KIAA1958: variants seen among roughly 807,000 people sequenced by gnomAD.
The protein encoded by KIAA1958 is uncharacterized protein KIAA1958.
Under a neutral mutation model 47.2 loss-of-function variants are expected in KIAA1958, and 14 were observed. The ratio of observed to expected loss-of-function variants is 0.30; its 90% CI spans 0.20 to 0.46. KIAA1958 has a LOEUF of 0.46. KIAA1958 is among the 20% of genes least tolerant of loss of function. KIAA1958 has a pLI of 1.00. For synonymous variants in KIAA1958, 354 were observed against 353.3 expected (o/e 1.00, Z -0.02); for missense variants, 803 against 909.2 (o/e 0.88, Z 1.50).
chr9:112,659,253 CTCATT>C lies in KIAA1958; in HGVS notation c.1345-8_1345-4del. The C allele has an allele frequency of 1.9e-6, 3 of 1,603,292 alleles. No individual in the cohort carries two copies. Among genetic ancestry groups the C allele is most frequent in the Non-Finnish European group, 2.6e-6 (3 of 1,173,880 alleles). On this transcript the variant is annotated splice_region_variant and splice_polypyrimidine_tract_variant and intron_variant, in intron 3 of 3. Transcript: ENST00000337530. ...TCAAGTGTGTAACCTCCGTGTTTGT[CTCATT>C]TGAGATCCCTGCAGTGAAGTTGAAC...
In KIAA1958 at chr9:112,541,668, A is replaced by T. The variant is rs191294150; in HGVS notation, c.-24-32389A>T. ...AAAATACAAGAAAAAATAGTTGGGCATGGTGGTGGGTGCCTGTAATCCCAG... is the reference window on the plus strand; with the variant it reads ...AAAATACAAGAAAAAATAGTTGGGCTTGGTGGTGGGTGCCTGTAATCCCAG... On this transcript the variant is annotated intron_variant, in intron 1 of 3. Coordinates refer to ENST00000337530, the MANE Select transcript of KIAA1958 (RefSeq NM_133465.4). 1.6e-4 allele frequency among the ~76,000 whole-genome samples: 24 copies of T among 152,188 alleles called. No individual in the cohort carries two copies. The East Asian group carries it at 4.6e-3, about 29-fold the overall frequency.
chr9:112,616,874 A>T (rs1588041587), intron 2 of KIAA1958, among the ~76,000 whole-genome samples: 1 of 152,246 alleles, frequency 6.6e-6, no homozygotes, highest in Non-Finnish European at 1.5e-5. Context: ...GGACACAAGC[A>T]CTAGAACTTT....
Position 112,662,481 on chromosome 9 carries a change from TTAAGCCTGG to T in KIAA1958, c.*2421_*2429del, listed in dbSNP as rs1837293878. The T allele has an allele frequency of 7.2e-6, 1 of 138,170 alleles. No homozygotes were observed. The highest frequency in any genetic ancestry group is 1.5e-5 in the Non-Finnish European group (1 of 65,108). 8.6% of individuals were successfully genotyped at this position (138,170 alleles called of 1,614,324 possible). ...ACACACACACACGCACAATATGTGG[TTAAGCCTGG>T]TAAGCCTGCTAAAATGGCAAAGCGG... On this transcript the variant is annotated 3_prime_UTR_variant, in exon 4 of 4. Coordinates refer to ENST00000337530, the MANE Select transcript of KIAA1958 (RefSeq NM_133465.4).
At position 112,486,992 on chromosome 9, in the gene KIAA1958, C is replaced by A. The variant is rs1310882149; in HGVS notation, c.-151C>A. ...CGCTCCACTTACCTTTGGTGCCCGG[C>A]CCTCTGGCCGCTCTCCTCCCGCCCT... is the stretch of plus-strand genomic sequence containing the variant. On this transcript the variant is annotated 5_prime_UTR_variant, in exon 1 of 4. Transcript: ENST00000337530. 5.5e-6 allele frequency: 1 copy of A among 181,108 alleles called. No individual in the cohort carries two copies. Among genetic ancestry groups the A allele is most frequent in the Non-Finnish European group, 1.2e-5 (1 of 86,686 alleles). 11.2% of individuals were successfully genotyped at this position (181,108 alleles called of 1,614,324 possible). A position where few individuals can be genotyped will look rare whatever the true frequency, so the allele number is the denominator to read the frequency against.
intron 1 of KIAA1958, among the ~76,000 whole-genome samples, chr9:112,515,299 G>T (rs1303408740): frequency 1.5e-5 from 2 of 131,384 alleles, no homozygotes; most frequent in African/African-American, 2.7e-5. Context: ...CGCCCCGTCC[G>T]GGAGGTGAGG....
At chr9:112,617,545 A>G (rs912750320) in intron 2 of KIAA1958, among the ~76,000 whole-genome samples, 1 of 152,170 alleles carries the variant, frequency 6.6e-6, no homozygotes, top group Non-Finnish European at 1.5e-5. Flanking sequence ...TAAATAGCAC[A>G]TTTCTGTCCC....
intron 1 of KIAA1958, among the ~76,000 whole-genome samples, chr9:112,567,815 G>A (rs571312958): frequency 6.6e-5 from 10 of 151,960 alleles, no homozygotes; most frequent in South Asian, 2.1e-4. Context: ...AAAGTTAGCC[G>A]GGCATGATGG....
At chr9:112,518,643 A>C (rs1834481632) in intron 1 of KIAA1958, among the ~76,000 whole-genome samples, 2 of 152,190 alleles carry the variant, frequency 1.3e-5, no homozygotes, top group South Asian at 4.1e-4. Context: ...CGTTTTTTCT[A>C]ATCATGGTGA....
intron 1 of KIAA1958, among the ~76,000 whole-genome samples, chr9:112,558,507 T>C (rs3983387): frequency 0.3 from 45,651 of 152,112 alleles, 7,141 homozygotes; most frequent in Middle Eastern, 0.41. Flanking sequence ...TCTACTTCTT[T>C]GAATATTTTC....
In KIAA1958 at chr9:112,505,550, A is replaced by G. The variant is rs72762274; in HGVS notation, c.-25+18432A>G. Among the ~76,000 whole-genome samples the G allele has an allele frequency of 5.5e-3, 843 of 152,346 alleles. 10 individuals carry two copies. Among genetic ancestry groups the G allele is most frequent in the Middle Eastern group, 0.044 (13 of 294 alleles). ...CCTTGAATTGTATGGTGTGAAGTCT[A>G]TATGTCTCTATTTTGACTTTGCAGG... On this transcript the variant is annotated intron_variant, in intron 1 of 3. Transcript: ENST00000337530.
chr9:112,563,156 C>T (rs1428883807), intron 1 of KIAA1958, among the ~76,000 whole-genome samples: 4 of 150,360 alleles, frequency 2.7e-5, no homozygotes, highest in African/African-American at 9.8e-5. Context: ...TCTTGAACTC[C>T]TGGGCTCAAG....
intron 1 of KIAA1958, among the ~76,000 whole-genome samples, chr9:112,502,802 C>G (rs1834165488): frequency 6.6e-6 from 1 of 152,194 alleles, no homozygotes; most frequent in Admixed American, 6.5e-5. Flanking sequence ...ATCTGACTTA[C>G]TCCAGGAAAA....
chr9:112,628,889 A>G (rs946292227), intron 2 of KIAA1958, among the ~76,000 whole-genome samples: 1 of 152,218 alleles, frequency 6.6e-6, no homozygotes, highest in Non-Finnish European at 1.5e-5. Context: ...ATGGTCAGTA[A>G]TAGTTTGTAC....
At chr9:112,520,521 A>G (rs1478588835) in intron 1 of KIAA1958, among the ~76,000 whole-genome samples, 1 of 152,198 alleles carries the variant, frequency 6.6e-6, no homozygotes, top group Non-Finnish European at 1.5e-5. Flanking sequence ...CCCCAAACTT[A>G]AACTATAGAT....
intron 1 of KIAA1958, among the ~76,000 whole-genome samples, chr9:112,538,489 A>G (rs768665507): frequency 1.3e-5 from 2 of 152,218 alleles, no homozygotes; most frequent in Non-Finnish European, 2.9e-5. Flanking sequence ...GAAAATAGTG[A>G]AAAACAAAAA....
At chr9:112,498,809 A>G (rs1474780770) in intron 1 of KIAA1958, among the ~76,000 whole-genome samples, 1 of 152,124 alleles carries the variant, frequency 6.6e-6, no homozygotes, top group Non-Finnish European at 1.5e-5. Flanking sequence ...AGTTAACCAT[A>G]TTCATCCTAC....
chr9:112,518,543 T>TG (rs781331875), intron 1 of KIAA1958, among the ~76,000 whole-genome samples: 5 of 152,176 alleles, frequency 3.3e-5, no homozygotes, highest in Non-Finnish European at 5.9e-5. Flanking sequence ...AACAGATGAG[T>TG]GTTTGCCTTA....
Position 112,618,514 on chromosome 9 carries a change from G to A in KIAA1958, c.1172-27136G>A, listed in dbSNP as rs1836444165. 6.4e-7 allele frequency: 1 copy of A among 1,550,622 alleles called. No homozygotes were observed. The highest frequency in any genetic ancestry group is 8.7e-7 in the Non-Finnish European group (1 of 1,147,032). On this transcript the variant is annotated intron_variant, in intron 2 of 3. Coordinates refer to ENST00000337530, the MANE Select transcript of KIAA1958 (RefSeq NM_133465.4). This position sits in a 1 kb window ranked among gnomAD's most constrained non-coding sequence, Gnocchi z 7.1. ...AGAGAGGGGGGACAGACTCCCGTGT[G>A]TATGCCACCCAGCACGCCCCACAGA...
intron 1 of KIAA1958, among the ~76,000 whole-genome samples, chr9:112,488,483 G>A (rs1306572754): frequency 6.6e-6 from 1 of 152,126 alleles, no homozygotes; most frequent in Non-Finnish European, 1.5e-5. Flanking sequence ...ATTTATGCCT[G>A]TATCAATCTC....
Sources: allele counts gnomAD v4.1 joint callset (sites outside exome capture counted in the v4.1 genomes callset), GRCh38; gene constraint gnomAD v4.1.1; non-coding constraint Gnocchi (gnomAD v3.1); transcripts MANE v1.5; gene names NCBI Gene and HGNC (gene_info 2026-07-23, HGNC 2026-07-21).